Variants in SPANXN4 observed in about 807,000 individuals in gnomAD.
SPANXN4 encodes the protein SPANX family member N4, also known as sperm protein associated with the nucleus on the X chromosome N4.
A neutral mutation model predicts 6.0 loss-of-function variants in SPANXN4; 5 were observed. The ratio of observed to expected loss-of-function variants is 0.83; its 90% CI spans 0.44 to 1.75. The LOEUF is 1.75. Among genes scored for constraint, SPANXN4 ranks in the 40% most tolerant of loss-of-function variants. The probability of loss-of-function intolerance (pLI) is 0.02; values close to 1 mark genes in which losing one functional copy is unlikely to be tolerated. For synonymous variants in SPANXN4, 45 were observed against 38.0 expected, an observed-to-expected ratio of 1.19 and a Z score of -0.68; for missense variants, 157 against 108.6, an observed-to-expected ratio of 1.45 and a Z score of -1.98.
chrX:143,032,014 T>C (rs1278220437), intron 1 of SPANXN4, among the ~76,000 whole-genome samples: 1 of 112,028 alleles, frequency 8.9e-6, no homozygotes, highest in Non-Finnish European at 1.9e-5. Context: ...TGGGGACAGC[T>C]AGGGTCCCTA....
downstream of SPANXN4, among the ~76,000 whole-genome samples, chrX:143,037,038 T>C (rs375139569): frequency 6.2e-4 from 69 of 111,862 alleles, no homozygotes; most frequent in Non-Finnish European, 5.6e-5. Flanking sequence ...CTGACTAGTT[T>C]ATGCATTCAT....
downstream of SPANXN4, among the ~76,000 whole-genome samples, chrX:143,038,308 C>A (rs1262363315): frequency 8.9e-6 from 1 of 111,852 alleles, no homozygotes; most frequent in African/African-American, 3.2e-5. Context: ...AACTGTTTCT[C>A]ATTTTCTTCT....
rs377746913 is a variant in SPANXN4, at chrX:143,034,038, T to C, written c.89T>C (p.Leu30Pro). 65 of 1,171,662 alleles carry C rather than the reference T, an allele frequency of 5.5e-5. No homozygotes were observed. The highest frequency in any genetic ancestry group is 7.3e-5 in the Non-Finnish European group (64 of 876,176). Reference sequence around the variant, plus strand: ...TTTTTTTACCAGAAGAAGAAGAATCTGCACAGAGCCTCAGCCCCTGAACAG... The same window carrying C: ...TTTTTTTACCAGAAGAAGAAGAATCCGCACAGAGCCTCAGCCCCTGAACAG... Residue 30 changes from leucine to proline, a missense_variant, in exon 2 of 3, where the codon CTG (leucine) becomes CCG (proline). Coordinates refer to ENST00000370504, the Ensembl canonical transcript of SPANXN4.
chrX:143,026,174 T>C, intron 1 of SPANXN4, 82 bp downstream of exon 1: 1 of 838,392 alleles, frequency 1.2e-6, no homozygotes, highest in Non-Finnish European at 1.7e-6. Context: ...GCAACACGGG[T>C]ATACTGCAGA....
chrX:143,030,611 T>C (rs959856757), intron 1 of SPANXN4, among the ~76,000 whole-genome samples: 3 of 110,379 alleles, frequency 2.7e-5, no homozygotes, highest in Non-Finnish European at 5.7e-5. Context: ...AAAAAAAACT[T>C]TGGGAAGCCA....
At chrX:143,035,094 A>C (rs1010248384), downstream of SPANXN4, among the ~76,000 whole-genome samples, 10 of 109,151 alleles carry the variant, frequency 9.2e-5, no homozygotes, top group African/African-American at 3.3e-4. Context: ...AAAAAAAAAA[A>C]AAACTTCCCC....
chrX:143,027,369 G>A (rs1932784640), intron 1 of SPANXN4, among the ~76,000 whole-genome samples: 1 of 111,320 alleles, frequency 9.0e-6, no homozygotes, highest in South Asian at 3.9e-4. Context: ...GCAGTTGAGG[G>A]AATTGTTTGT....
At chrX:143,034,635 C>T in exon 3 of SPANXN4, 2 of 1,163,139 alleles carry the variant, frequency 1.7e-6, no homozygotes, top group Non-Finnish European at 2.3e-6. Context: ...GAATCACCAC[C>T]TTCAGGCCAC....
At chrX:143,026,977 A>C (rs1231465012) in intron 1 of SPANXN4, among the ~76,000 whole-genome samples, 1 of 111,559 alleles carries the variant, frequency 9.0e-6, no homozygotes, top group African/African-American at 3.3e-5. Flanking sequence ...ACTAAAGGAA[A>C]CCGGATGGTC....
chrX:143,026,742 G>C (rs776680205), intron 1 of SPANXN4, among the ~76,000 whole-genome samples: 1 of 110,868 alleles, frequency 9.0e-6, no homozygotes, highest in Non-Finnish European at 1.9e-5. Context: ...GTGTTGCTGG[G>C]TGGCTGCCTG....
At chrX:143,032,046 G>A (rs1355664225) in intron 1 of SPANXN4, among the ~76,000 whole-genome samples, 6 of 112,159 alleles carry the variant, frequency 5.3e-5, no homozygotes. Flanking sequence ...GCAGCATGTT[G>A]TTGGTGGAGG....
At chrX:143,032,537 G>C (rs1166354985) in intron 1 of SPANXN4, among the ~76,000 whole-genome samples, 1 of 110,763 alleles carries the variant, frequency 9.0e-6, no homozygotes, top group Non-Finnish European at 1.9e-5. Context: ...CTGAGGAGGA[G>C]GCATTTTTGC....
chrX:143,034,646 A>G (rs939605128), exon 3 of SPANXN4: 1 of 1,164,209 alleles, frequency 8.6e-7, no homozygotes, highest in Non-Finnish European at 1.1e-6. Context: ...TTCAGGCCAC[A>G]TACCTCAGAG....
At chrX:143,035,180 T>C (rs907623972), downstream of SPANXN4, among the ~76,000 whole-genome samples, 2 of 110,389 alleles carry the variant, frequency 1.8e-5, no homozygotes, top group African/African-American at 3.3e-5. Context: ...CTGAGTTATA[T>C]TCCTTGAGTT....
At chrX:143,031,992 T>C (rs944215798) in intron 1 of SPANXN4, among the ~76,000 whole-genome samples, 3 of 111,871 alleles carry the variant, frequency 2.7e-5, no homozygotes, top group Non-Finnish European at 5.6e-5. Context: ...TAATTCCAAT[T>C]GGTGTAAGTC....
At chrX:143,033,746 T>C (rs1387456111) in intron 1 of SPANXN4, among the ~76,000 whole-genome samples, 2 of 111,800 alleles carry the variant, frequency 1.8e-5, no homozygotes, top group Non-Finnish European at 3.8e-5. Context: ...ACAGGATGTT[T>C]CTCATGGCCT....
intron 1 of SPANXN4, among the ~76,000 whole-genome samples, chrX:143,029,927 G>A (rs1932799686): frequency 9.0e-6 from 1 of 111,674 alleles, no homozygotes; most frequent in Admixed American, 9.5e-5. Flanking sequence ...AACGGCTTCT[G>A]GGGCGTCGCC....
downstream of SPANXN4, among the ~76,000 whole-genome samples, chrX:143,035,733 T>C (rs1394824070): frequency 1.8e-5 from 2 of 110,416 alleles, no homozygotes; most frequent in Non-Finnish European, 3.8e-5. Flanking sequence ...AGTAAAATGG[T>C]TACAATGGTA....
At chrX:143,037,201 G>T (rs1416005339), downstream of SPANXN4, among the ~76,000 whole-genome samples, 11 of 110,454 alleles carry the variant, frequency 1.0e-4, no homozygotes, top group Admixed American at 1.1e-3. Context: ...AAAAACCGAG[G>T]TAAACACTAG....
Sources: gnomAD v4.1 joint callset for allele counts (sites outside exome capture counted in the v4.1 genomes callset) on GRCh38, gnomAD v4.1.1 for gene constraint, MANE v1.5 for transcripts, NCBI Gene and HGNC (gene_info 2026-07-23, HGNC 2026-07-21) for gene names.